Variants in GABRB2 observed in about 807,000 individuals in gnomAD.
GABRB2 encodes gamma-aminobutyric acid receptor subunit beta-2.
A neutral mutation model predicts 54.7 loss-of-function variants in GABRB2; 16 were observed. The ratio of observed to expected loss-of-function variants is 0.29; its 90% CI spans 0.20 to 0.44. The LOEUF (loss-of-function observed/expected upper bound fraction) is 0.44, where lower values mean the gene tolerates loss of function less well. Among genes scored for constraint, GABRB2 ranks in the 20% least tolerant of loss-of-function variants. GABRB2 has a pLI of 1.00. For synonymous variants in GABRB2, 244 were observed against 233.8 expected, an observed-to-expected ratio of 1.04 and a Z score of -0.40; for missense variants, 355 against 644.0, an observed-to-expected ratio of 0.55 and a Z score of 4.86.
chr5:161,288,669 T>A lies in GABRB2; in HGVS notation c.*5412A>T, dbSNP rs972401289. On this transcript the variant is annotated 3_prime_UTR_variant, in exon 10 of 10. Coordinates refer to ENST00000393959, the MANE Select transcript of GABRB2 (RefSeq NM_001371727.1). ...ATGATATCCACTGTGTTTTGCATTT[T>A]TCTAGCCATCGGAAAATGTGCATTA... 1.3e-5 allele frequency: 2 copies of A among 152,664 alleles called. No homozygotes were observed. The highest frequency in any genetic ancestry group is 2.4e-5 in the African/African-American group (1 of 41,466). The allele number at this position is 152,664 out of a possible 1,614,324, so 9.5% of individuals were successfully genotyped here. A position where few individuals can be genotyped will look rare whatever the true frequency, so the allele number is the denominator to read the frequency against.
chr5:161,533,454 T>C (rs1446118277), intron 3 of GABRB2, among the ~76,000 whole-genome samples: 1 of 152,098 alleles, frequency 6.6e-6, no homozygotes, highest in East Asian at 1.9e-4. Flanking sequence ...AATATTAAGA[T>C]GGAAACAGAG....
intron 9 of GABRB2, among the ~76,000 whole-genome samples, chr5:161,311,184 T>C (rs1757858488): frequency 6.6e-6 from 1 of 152,208 alleles, no homozygotes; most frequent in Non-Finnish European, 1.5e-5. Context: ...ATACCAGGCA[T>C]GGACTTCCTC....
chr5:161,384,780 G>T lies in GABRB2; in HGVS notation c.541+26195C>A, dbSNP rs997743910. ...CTCTAAGGCAGGGCTTGTACTAGGTGAACCCAACAGATGAAATGCTTTCCT... is the reference window on the plus strand; with the variant it reads ...CTCTAAGGCAGGGCTTGTACTAGGTTAACCCAACAGATGAAATGCTTTCCT... On this transcript the variant is annotated intron_variant, in intron 5 of 9. Coordinates refer to ENST00000393959, the MANE Select transcript of GABRB2 (RefSeq NM_001371727.1). Among the ~76,000 whole-genome samples the T allele has an allele frequency of 3.3e-5, 5 of 152,120 alleles. No individual in the cohort carries two copies. In the East Asian group the frequency reaches 9.6e-4, roughly 29 times the overall value.
chr5:161,446,233 C>T (rs1757611894), intron 4 of GABRB2, among the ~76,000 whole-genome samples: 1 of 152,144 alleles, frequency 6.6e-6, no homozygotes, highest in African/African-American at 2.4e-5. Context: ...TATCTTCCAC[C>T]TAGAGCAACA....
chr5:161,502,443 G>T (rs1406154682), intron 3 of GABRB2, among the ~76,000 whole-genome samples: 1 of 152,108 alleles, frequency 6.6e-6, no homozygotes, highest in Non-Finnish European at 1.5e-5. Flanking sequence ...AATACGAGAT[G>T]AAAACATATT....
chr5:161,530,028 CTCTCCA>C (rs1408922074), intron 3 of GABRB2, among the ~76,000 whole-genome samples: 1 of 152,074 alleles, frequency 6.6e-6, no homozygotes, highest in Non-Finnish European at 1.5e-5. Flanking sequence ...GTCTTTCCCT[CTCTCCA>C]TCTCCCTCTC....
chr5:161,304,096 G>T lies in GABRB2; in HGVS notation c.1192-9668C>A, dbSNP rs981552460. ...GTCTGGGATCACACTTTCAAATAAG[G>T]CTAGGGAGGTCATATAAGAACGTGA... On this transcript the variant is annotated intron_variant, in intron 9 of 9. Transcript: ENST00000393959. Among the ~76,000 whole-genome samples the T allele has an allele frequency of 4.6e-5, 7 of 152,244 alleles. No individual in the cohort carries two copies. The South Asian group carries it at 1.5e-3, about 32-fold the overall frequency.
At chr5:161,480,941 G>A (rs1758744468) in intron 3 of GABRB2, among the ~76,000 whole-genome samples, 1 of 151,960 alleles carries the variant, frequency 6.6e-6, no homozygotes, top group Non-Finnish European at 1.5e-5. Flanking sequence ...AAGATAAAGG[G>A]TCATAGATTT....
Position 161,292,364 on chromosome 5 carries a change from A to T in GABRB2, c.*1717T>A, listed in dbSNP as rs1757262381. 6.6e-6 allele frequency: 1 copy of T among 152,204 alleles called. No individual in the cohort carries two copies. The highest frequency in any genetic ancestry group is 6.5e-5 in the Admixed American group (1 of 15,276). 9.4% of individuals were successfully genotyped at this position (152,204 alleles called of 1,614,324 possible). A position where few individuals can be genotyped will look rare whatever the true frequency, so the allele number is the denominator to read the frequency against. On this transcript the variant is annotated 3_prime_UTR_variant, in exon 10 of 10. Transcript: ENST00000393959. Reference sequence around the variant, plus strand: ...ATAGCAAAGTCATCCTCCAAGAAAAAGTTCAATCAAATTCAACTTTAAGGA... The same window carrying T: ...ATAGCAAAGTCATCCTCCAAGAAAATGTTCAATCAAATTCAACTTTAAGGA...
intron 3 of GABRB2, among the ~76,000 whole-genome samples, chr5:161,499,770 G>A (rs996847387): frequency 1.3e-5 from 2 of 152,166 alleles, no homozygotes; most frequent in African/African-American, 2.4e-5. Flanking sequence ...CATTCTAGGA[G>A]GATGCATAAG....
chr5:161,298,671 C>G (rs2113341937), intron 9 of GABRB2, among the ~76,000 whole-genome samples: 1 of 152,348 alleles, frequency 6.6e-6, no homozygotes, highest in Non-Finnish European at 1.5e-5. Flanking sequence ...ATACAGGTCT[C>G]TTGCTAGAGC....
intron 6 of GABRB2, 47 bp from the exon 7 acceptor site, chr5:161,334,951 A>G (rs1753949146): frequency 6.3e-7 from 1 of 1,585,086 alleles, no homozygotes; most frequent in South Asian, 1.1e-5. Context: ...CAATATTTAT[A>G]GGATACTTTT....
chr5:161,531,933 A>T (rs749652042), intron 3 of GABRB2, among the ~76,000 whole-genome samples: 1 of 152,154 alleles, frequency 6.6e-6, no homozygotes, highest in Admixed American at 6.6e-5. Flanking sequence ...ACCTTGGACA[A>T]GTTCACTACT....
intron 3 of GABRB2, among the ~76,000 whole-genome samples, chr5:161,538,536 G>A (rs1760713297): frequency 6.6e-6 from 1 of 152,108 alleles, no homozygotes; most frequent in South Asian, 2.1e-4. Flanking sequence ...AATAGTAAAC[G>A]CCTACCTGGG....
intron 3 of GABRB2, among the ~76,000 whole-genome samples, chr5:161,511,546 A>T (rs574917095): frequency 5.3e-5 from 8 of 152,136 alleles, no homozygotes; most frequent in Middle Eastern, 3.4e-3. Flanking sequence ...TATATTATGT[A>T]TGTCTTGTTT....
At chr5:161,490,290 C>T (rs1759061033) in intron 3 of GABRB2, among the ~76,000 whole-genome samples, 1 of 151,494 alleles carries the variant, frequency 6.6e-6, no homozygotes, top group African/African-American at 2.4e-5. Context: ...TAAATCTCCA[C>T]AATAAAAAAA....
At chr5:161,339,952 A>G (rs947273291) in intron 5 of GABRB2, among the ~76,000 whole-genome samples, 3 of 151,978 alleles carry the variant, frequency 2.0e-5, no homozygotes, top group South Asian at 2.1e-4. Context: ...TGTTTAAGAA[A>G]TGTCCATTTT....
At chr5:161,399,671 C>T (rs989360684) in intron 5 of GABRB2, among the ~76,000 whole-genome samples, 1 of 152,140 alleles carries the variant, frequency 6.6e-6, no homozygotes, top group Non-Finnish European at 1.5e-5. Context: ...CATATAATCC[C>T]CTTCTGTTGA....
rs532140537 is a variant in GABRB2, at chr5:161,362,618, G to A, written c.542-25849C>T. ...ACCTACAGAATGGGAGAAAATTTTCGCAATCTATCCATCTGACAAAGGGCT... is the reference window on the plus strand; with the variant it reads ...ACCTACAGAATGGGAGAAAATTTTCACAATCTATCCATCTGACAAAGGGCT... On this transcript the variant is annotated intron_variant, in intron 5 of 9. Coordinates refer to ENST00000393959, the MANE Select transcript of GABRB2 (RefSeq NM_001371727.1). Among the ~76,000 whole-genome samples, 94 of 152,130 alleles carry A rather than the reference G, an allele frequency of 6.2e-4. No individual in the cohort carries two copies. In the Middle Eastern group the frequency reaches 0.01, roughly 17 times the overall value.
Sources: allele counts gnomAD v4.1 joint callset (sites outside exome capture counted in the v4.1 genomes callset), GRCh38; gene constraint gnomAD v4.1.1; transcripts MANE v1.5; gene names NCBI Gene and HGNC (gene_info 2026-07-23, HGNC 2026-07-21).